Variants in NTM observed in about 807,000 individuals in gnomAD.
The protein encoded by NTM is neurotrimin.
In NTM, 13 loss-of-function variants were observed where a neutral mutation model predicts 42.1. That is an observed-to-expected ratio of 0.31 (90% CI 0.20 to 0.49). The LOEUF (loss-of-function observed/expected upper bound fraction) is 0.49. NTM is among the 20% of genes least tolerant of loss of function. The pLI, the probability that NTM is intolerant of heterozygous loss-of-function variation, is 0.99. For synonymous variants in NTM, 187 were observed against 179.2 expected (o/e 1.04, Z -0.35); for missense variants, 373 against 452.8 (o/e 0.82, Z 1.60).
intron 2 of NTM, among the ~76,000 whole-genome samples, chr11:131,954,414 G>T (rs942876164): frequency 2.6e-5 from 4 of 152,186 alleles, no homozygotes; most frequent in African/African-American, 9.6e-5. Flanking sequence ...CAGGGACTCT[G>T]GCTCTCTGAA....
intron 4 of NTM, among the ~76,000 whole-genome samples, chr11:132,221,615 AGG>A (rs1216866596): frequency 6.6e-6 from 1 of 152,154 alleles, no homozygotes; most frequent in African/African-American, 2.4e-5. Context: ...GACAGCTGTA[AGG>A]GTGGGGTCCA....
At chr11:131,783,578 G>A (rs2088578002) in intron 1 of NTM, among the ~76,000 whole-genome samples, 1 of 152,024 alleles carries the variant, frequency 6.6e-6, no homozygotes, top group African/African-American at 2.4e-5. Flanking sequence ...TCAAAAAACT[G>A]AATATTTATA....
chr11:131,702,580 CAGAG>C (rs2135192026), intron 1 of NTM, among the ~76,000 whole-genome samples: 1 of 152,250 alleles, frequency 6.6e-6, no homozygotes, highest in East Asian at 1.9e-4. Context: ...TGGGATGAAA[CAGAG>C]AGCAGCAGCA....
At chr11:132,169,321 T>TTTTTTTTA in intron 3 of NTM, among the ~76,000 whole-genome samples, 1 of 21,328 alleles carries the variant, frequency 4.7e-5, no homozygotes, top group Non-Finnish European at 8.1e-5. Context: ...ATTTTTTTAC[T>TTTTTTTTA]TTTTTTTTTT....
chr11:131,900,689 G>A (rs1344543470), intron 1 of NTM, among the ~76,000 whole-genome samples: 4 of 152,050 alleles, frequency 2.6e-5, no homozygotes, highest in African/African-American at 7.2e-5. Flanking sequence ...GAGAGATTGG[G>A]TAATGAGGGG....
At position 131,580,052 on chromosome 11, in the gene NTM, C is replaced by T. The variant is rs545119718; in HGVS notation, c.82+209164C>T. Among the ~76,000 whole-genome samples the T allele has an allele frequency of 4.6e-5, 7 of 152,232 alleles. No homozygotes were observed. In the South Asian group the frequency reaches 1.5e-3, roughly 32 times the overall value. ...GCCTATAATGTACCCAGAGAGCCTG[C>T]AGGGAGGGCTGCGTGATGAGGTTGA... On this transcript the variant is annotated intron_variant, in intron 1 of 8. Transcript: ENST00000683400.
chr11:131,892,246 C>T (rs2051479184), intron 1 of NTM, among the ~76,000 whole-genome samples: 1 of 152,166 alleles, frequency 6.6e-6, no homozygotes, highest in African/African-American at 2.4e-5. Context: ...TTCTGCTAGA[C>T]AGGGTAGCTG....
At chr11:132,024,537 GT>G (rs1448707761) in intron 2 of NTM, among the ~76,000 whole-genome samples, 1 of 152,110 alleles carries the variant, frequency 6.6e-6, no homozygotes, top group Non-Finnish European at 1.5e-5. Flanking sequence ...TGTTGGTTTT[GT>G]TTTTGAATAG....
chr11:131,402,513 T>A (rs1277095249), intron 1 of NTM, among the ~76,000 whole-genome samples: 2 of 148,662 alleles, frequency 1.3e-5, no homozygotes, highest in Non-Finnish European at 3.0e-5. Flanking sequence ...AAAAAAGGAG[T>A]CACACAGAAG....
At chr11:132,199,457 G>A (rs1392493474) in intron 3 of NTM, among the ~76,000 whole-genome samples, 3 of 152,184 alleles carry the variant, frequency 2.0e-5, no homozygotes, top group African/African-American at 7.2e-5. Context: ...CTGTTCAGTG[G>A]CGTACATCTT....
At chr11:132,235,873 C>A (rs1185579972) in intron 4 of NTM, among the ~76,000 whole-genome samples, 2 of 152,038 alleles carry the variant, frequency 1.3e-5, no homozygotes, top group African/African-American at 4.8e-5. Context: ...ACTTAGTATA[C>A]CCCCAGGAAG....
intron 1 of NTM, among the ~76,000 whole-genome samples, chr11:131,748,275 C>T (rs2082064950): frequency 6.6e-6 from 1 of 152,174 alleles, no homozygotes; most frequent in African/African-American, 2.4e-5. Context: ...GGTGGACACA[C>T]ACTTGCCACG....
chr11:132,232,897 G>A (rs1362766847), intron 4 of NTM, among the ~76,000 whole-genome samples: 1 of 152,192 alleles, frequency 6.6e-6, no homozygotes, highest in Non-Finnish European at 1.5e-5. Flanking sequence ...TATGACCGTT[G>A]TTATAACAAC....
chr11:132,049,455 G>T (rs1031904517), intron 2 of NTM, among the ~76,000 whole-genome samples: 1 of 152,220 alleles, frequency 6.6e-6, no homozygotes, highest in African/African-American at 2.4e-5. Context: ...CAGGGGTGCG[G>T]TTGTGAGGCT....
At chr11:132,067,725 C>A (rs1034672165) in intron 2 of NTM, among the ~76,000 whole-genome samples, 1 of 152,226 alleles carries the variant, frequency 6.6e-6, no homozygotes, top group Non-Finnish European at 1.5e-5. Flanking sequence ...GCCCTCTGGG[C>A]CCATAGCTCT....
Position 132,310,145 on chromosome 11 carries a change from G to A in NTM, c.695G>A (p.Gly232Asp), listed in dbSNP as rs762238465. 5 of 1,610,344 alleles carry A rather than the reference G, an allele frequency of 3.1e-6. No homozygotes were observed. The Admixed American group carries it at 8.4e-5, about 27-fold the overall frequency. ...PPYISEAKGT[G>D]VPVGQKGTLQ... ...TACATTTCAGAAGCCAAGGGTACAG[G>A]TGTCCCCGTGGGACAAAAGGGGACA... is the stretch of plus-strand genomic sequence containing the variant. Residue 232 changes from glycine (G) to aspartate (D), a missense_variant, in exon 6 of 9, where the codon GGT becomes GAT. Physicochemically the swap from Gly to Asp is moderately conservative, Grantham distance 94. Coordinates refer to ENST00000683400, the MANE Select transcript of NTM (RefSeq NM_001352005.2).
At chr11:131,867,548 GTGTT>G (rs2047350325) in intron 1 of NTM, among the ~76,000 whole-genome samples, 1 of 151,936 alleles carries the variant, frequency 6.6e-6, no homozygotes, top group African/African-American at 2.4e-5. Context: ...GTGTGTGTGC[GTGTT>G]TGGGTGTCTG....
At chr11:131,793,927 A>G (rs929006501) in intron 1 of NTM, among the ~76,000 whole-genome samples, 4 of 152,246 alleles carry the variant, frequency 2.6e-5, no homozygotes, top group African/African-American at 9.6e-5. Flanking sequence ...ATGGAACCAC[A>G]AGAACGACTA....
chr11:131,460,709 C>A (rs56000125), intron 1 of NTM, among the ~76,000 whole-genome samples: 4,492 of 152,208 alleles, frequency 0.03, 88 homozygotes, highest in Non-Finnish European at 0.043. Context: ...CCCACCACCA[C>A]GCCTGGCTAA....
Sources: gnomAD v4.1 joint callset for allele counts (sites outside exome capture counted in the v4.1 genomes callset) on GRCh38, gnomAD v4.1.1 for gene constraint, MANE v1.5 for transcripts, NCBI Gene and HGNC (gene_info 2026-07-23, HGNC 2026-07-21) for gene names.